Variants in DLC1 observed in about 807,000 individuals in gnomAD.
DLC1 encodes the protein rho GTPase-activating protein 7.
DLC1 carries 54 observed loss-of-function variants against 140.3 expected under a neutral mutation model. The ratio of observed to expected loss-of-function variants is 0.38; its 90% CI spans 0.31 to 0.48. The LOEUF is 0.48. Ranked by LOEUF, DLC1 falls within the 20% of genes least tolerant of loss-of-function variation. DLC1 has a pLI of 0.96. For synonymous variants in DLC1, 986 were observed against 728.1 expected (o/e 1.35, Z -5.70); for missense variants, 2,536 against 1,907.0 (o/e 1.33, Z -6.14).
intron 5 of DLC1, chr8:13,304,647 A>G (rs1377066415): frequency 1.3e-5 from 12 of 926,084 alleles, no homozygotes; most frequent in Non-Finnish European, 1.5e-5. Flanking sequence ...TTTCGTTTTT[A>G]TTACACAGAA....
chr8:13,435,647 G>T (rs376384599), intron 2 of DLC1, among the ~76,000 whole-genome samples: 2 of 152,256 alleles, frequency 1.3e-5, no homozygotes, highest in South Asian at 2.1e-4. Context: ...CAAATAAAAT[G>T]GTTCTTTCAG....
intron 1 of DLC1, among the ~76,000 whole-genome samples, chr8:13,581,847 G>C (rs1446708506): frequency 6.6e-6 from 1 of 151,792 alleles, no homozygotes; most frequent in Admixed American, 6.6e-5. Flanking sequence ...TCATGTTTTC[G>C]GTTTTGTTTT....
intron 1 of DLC1, among the ~76,000 whole-genome samples, chr8:13,503,661 C>G (rs1164716982): frequency 6.6e-6 from 1 of 152,158 alleles, no homozygotes; most frequent in Non-Finnish European, 1.5e-5. Flanking sequence ...AGTGTTCAGT[C>G]TGTAGAACTG....
At chr8:13,507,552 A>G (rs1585222094) in intron 1 of DLC1, among the ~76,000 whole-genome samples, 1 of 152,204 alleles carries the variant, frequency 6.6e-6, no homozygotes, top group Non-Finnish European at 1.5e-5. Flanking sequence ...TTTCATGCAG[A>G]TTCCCTTTCT....
At chr8:13,316,710 G>A (rs1245085320) in intron 4 of DLC1, among the ~76,000 whole-genome samples, 2 of 152,070 alleles carry the variant, frequency 1.3e-5, no homozygotes, top group Admixed American at 1.3e-4. Context: ...GGGCAGCTGA[G>A]TTTGCAGATT....
intron 2 of DLC1, among the ~76,000 whole-genome samples, chr8:13,431,175 G>A (rs2117392266): frequency 6.6e-6 from 1 of 152,164 alleles, no homozygotes; most frequent in Middle Eastern, 3.4e-3. Context: ...GATGACTGAG[G>A]CACAGATGTG....
chr8:13,309,165 T>G (rs967474269), intron 4 of DLC1, among the ~76,000 whole-genome samples: 1 of 152,210 alleles, frequency 6.6e-6, no homozygotes, highest in Non-Finnish European at 1.5e-5. Context: ...AGGAAGTGAT[T>G]TAACATTTCT....
intron 9 of DLC1, among the ~76,000 whole-genome samples, chr8:13,098,955 C>T (rs1818741601): frequency 6.6e-6 from 1 of 152,120 alleles, no homozygotes. Flanking sequence ...TAGCAATGGG[C>T]TGCTTGCTGG....
chr8:13,523,144 G>C (rs1482750241), intron 1 of DLC1, among the ~76,000 whole-genome samples: 3 of 152,150 alleles, frequency 2.0e-5, no homozygotes, highest in Non-Finnish European at 4.4e-5. Context: ...AATAAAATTA[G>C]TTGAAAAGAA....
At chr8:13,484,243 C>A (rs369743240) in intron 2 of DLC1, among the ~76,000 whole-genome samples, 1 of 152,058 alleles carries the variant, frequency 6.6e-6, no homozygotes, top group African/African-American at 2.4e-5. Flanking sequence ...TATGAGAGAT[C>A]ATGAAGATGT....
chr8:13,558,169 T>C (rs549072208), intron 1 of DLC1: 47 of 152,344 alleles, frequency 3.1e-4, no homozygotes, highest in African/African-American at 1.1e-3. Context: ...GATTTAATTC[T>C]TGGAGCAGGT....
At chr8:13,253,689 G>T (rs1830100562) in intron 5 of DLC1, among the ~76,000 whole-genome samples, 2 of 152,176 alleles carry the variant, frequency 1.3e-5, no homozygotes, top group Admixed American at 1.3e-4. Flanking sequence ...AAGTCCTGGA[G>T]CCTGCTTTCC....
chr8:13,396,642 T>A (rs372805414), intron 3 of DLC1, among the ~76,000 whole-genome samples: 1 of 152,166 alleles, frequency 6.6e-6, no homozygotes, highest in East Asian at 1.9e-4. Flanking sequence ...GCATTAGAGT[T>A]CAGGTGTGTC....
chr8:13,570,359 T>C (rs1482925962), intron 1 of DLC1, among the ~76,000 whole-genome samples: 1 of 150,240 alleles, frequency 6.7e-6, no homozygotes, highest in Non-Finnish European at 1.5e-5. Flanking sequence ...GTTAGTTACA[T>C]ATGTATACAT....
At chr8:13,139,878 A>G (rs11785858) in intron 5 of DLC1, among the ~76,000 whole-genome samples, 21,895 of 152,328 alleles carry the variant, frequency 0.14, 1,761 homozygotes, top group Non-Finnish European at 0.17. Context: ...GAATTAGCTA[A>G]TTTAAATGGC....
chr8:13,425,767 T>G (rs1428696681), intron 2 of DLC1, among the ~76,000 whole-genome samples: 1 of 152,236 alleles, frequency 6.6e-6, no homozygotes, highest in Non-Finnish European at 1.5e-5. Flanking sequence ...TTTTTCTGTT[T>G]TTAAAATGTA....
At chr8:13,119,435 A>T (rs895867492) in intron 5 of DLC1, among the ~76,000 whole-genome samples, 1 of 152,048 alleles carries the variant, frequency 6.6e-6, no homozygotes, top group Non-Finnish European at 1.5e-5. Flanking sequence ...TCAAGATCCC[A>T]ACTAAATGCC....
chr8:13,311,282 A>G (rs559999746), intron 4 of DLC1, among the ~76,000 whole-genome samples: 1 of 152,304 alleles, frequency 6.6e-6, no homozygotes, highest in Admixed American at 6.5e-5. Flanking sequence ...ATGTGGCTTT[A>G]TAACCCTGTG....
chr8:13,567,392 A>G lies in DLC1; in HGVS notation c.-126+37145T>C, dbSNP rs1470969767. On this transcript the variant is annotated intron_variant, in intron 1 of 1. Coordinates refer to the DLC1 transcript ENST00000631382. Reference sequence around the variant, plus strand: ...TGCACCATGAAGATAAATTTGATTCATCGTAGAGGGGATTCTAAGAAGAAG... The same window carrying G: ...TGCACCATGAAGATAAATTTGATTCGTCGTAGAGGGGATTCTAAGAAGAAG... The G allele has an allele frequency of 1.5e-5, 24 of 1,551,620 alleles. No homozygotes were observed. The highest frequency in any genetic ancestry group is 2.1e-5 in the Non-Finnish European group (24 of 1,147,012).
Sources: gnomAD v4.1 joint callset for allele counts (sites outside exome capture counted in the v4.1 genomes callset) on GRCh38, gnomAD v4.1.1 for gene constraint, MANE v1.5 for transcripts, NCBI Gene and HGNC (gene_info 2026-07-23, HGNC 2026-07-21) for gene names.